TMEM255B: variants seen among roughly 807,000 people sequenced by gnomAD.
The protein encoded by TMEM255B is family with sequence similarity 70, member B.
TMEM255B carries 35 observed loss-of-function variants against 34.5 expected under a neutral mutation model. The ratio of observed to expected loss-of-function variants is 1.01; its 90% confidence interval spans 0.77 to 1.34. The LOEUF (loss-of-function observed/expected upper bound fraction) is 1.34, where lower values mean the gene tolerates loss of function less well. Among genes scored for constraint, TMEM255B ranks in the 40% most tolerant of loss-of-function variants. TMEM255B has a pLI of 0.00. For synonymous variants in TMEM255B, 206 were observed against 201.2 expected (o/e 1.02, Z -0.20); for missense variants, 432 against 433.2 (o/e 1.00, Z 0.02).
rs1395637805 is a variant in TMEM255B, at chr13:113,813,778, TATAAA to T, written c.*1878_*1882del. ...CCGCCACTGCTTGTCATTTTTATCT[TATAAA>T]ATCCAGCCTCACAAGCTTGCTGTCC... is the stretch of plus-strand genomic sequence containing the variant. On this transcript the variant is annotated 3_prime_UTR_variant, in exon 9 of 9. Transcript: ENST00000375353. 1 of 152,176 alleles carries T rather than the reference TATAAA, an allele frequency of 6.6e-6. No homozygotes were observed. Among genetic ancestry groups the T allele is most frequent in the African/African-American group, 2.4e-5 (1 of 41,450 alleles). 9.4% of individuals were successfully genotyped at this position (152,176 alleles called of 1,614,324 possible).
At chr13:113,802,549 G>C (rs1044859374) in intron 7 of TMEM255B, among the ~76,000 whole-genome samples, 1 of 152,172 alleles carries the variant, frequency 6.6e-6, no homozygotes, top group African/African-American at 2.4e-5. Context: ...GAGGAGGCCT[G>C]GCAGCACCAG....
intron 3 of TMEM255B, among the ~76,000 whole-genome samples, chr13:113,775,607 G>A (rs1044599989): frequency 2.6e-5 from 4 of 152,254 alleles, no homozygotes; most frequent in South Asian, 2.1e-4. Flanking sequence ...GAGGACAGGC[G>A]TTGAGTGGGC....
intron 3 of TMEM255B, among the ~76,000 whole-genome samples, chr13:113,774,957 G>A (rs1318704861): frequency 1.7e-4 from 15 of 87,858 alleles, no homozygotes; most frequent in East Asian, 3.6e-4. Context: ...CACAACACAC[G>A]ACACACACCA....
chr13:113,764,988 G>A (rs978796789), intron 1 of TMEM255B, among the ~76,000 whole-genome samples: 1 of 152,204 alleles, frequency 6.6e-6, no homozygotes, highest in Admixed American at 6.5e-5. Context: ...GGTCCAAGAC[G>A]GGGGCAGCCT....
At chr13:113,764,054 C>T (rs1162201190) in intron 1 of TMEM255B, among the ~76,000 whole-genome samples, 1 of 152,222 alleles carries the variant, frequency 6.6e-6, no homozygotes, top group African/African-American at 2.4e-5. Context: ...AGGGGAGTGT[C>T]CTCCCCATCC....
intron 3 of TMEM255B, among the ~76,000 whole-genome samples, chr13:113,783,805 G>T (rs991240157): frequency 2.6e-5 from 4 of 152,204 alleles, no homozygotes; most frequent in African/African-American, 9.6e-5. Flanking sequence ...GATGCAGAGG[G>T]TTGAGAGTAC....
At chr13:113,772,840 TCTTCCAG>T (rs1414634579) in intron 3 of TMEM255B, among the ~76,000 whole-genome samples, 5 of 152,188 alleles carry the variant, frequency 3.3e-5, no homozygotes, top group Admixed American at 1.3e-4. Context: ...GGCTTGTGAG[TCTTCCAG>T]CCTTGTTCTT....
intron 3 of TMEM255B, among the ~76,000 whole-genome samples, chr13:113,779,155 T>C (rs1269534837): frequency 6.6e-6 from 1 of 152,088 alleles, no homozygotes. Flanking sequence ...GTCAAAGGTG[T>C]CATTTGTGGT....
intron 5 of TMEM255B, 41 bp from the exon 6 acceptor site, chr13:113,800,786 T>C: frequency 6.4e-7 from 1 of 1,561,552 alleles, no homozygotes; most frequent in Non-Finnish European, 8.7e-7. Context: ...GGTGAGGTGG[T>C]GGGCACCGGC....
rs1247156900 is a variant in TMEM255B at position 113,812,835 on chromosome 13, GTCCCGGGTGGGTCACAGGCA to G, written c.*951_*970del. 47 of 175,020 alleles carry G rather than the reference GTCCCGGGTGGGTCACAGGCA, an allele frequency of 2.7e-4. 1 individual carries two copies. Among genetic ancestry groups the G allele is most frequent in the Admixed American group, 2.0e-3 (31 of 15,874 alleles). The allele number at this position is 175,020 out of a possible 1,614,324, so 10.8% of individuals were successfully genotyped here. On this transcript the variant is annotated 3_prime_UTR_variant, in exon 9 of 9. Transcript: ENST00000375353. ...GTCACAGGTCCTGAGTGGGTCACAG[GTCCCGGGTGGGTCACAGGCA>G]TCCCGGGTGGGTCACAGGTCCCGAG...
intron 1 of TMEM255B, chr13:113,761,157 A>T (rs2050302318): frequency 5.1e-6 from 5 of 984,894 alleles, no homozygotes; most frequent in Middle Eastern, 1.0e-3. Flanking sequence ...GTGTCCCCAC[A>T]TGATTAAATG....
chr13:113,792,011 C>T (rs986291388), intron 3 of TMEM255B, among the ~76,000 whole-genome samples: 42 of 152,308 alleles, frequency 2.8e-4, no homozygotes, highest in African/African-American at 9.1e-4. Flanking sequence ...CCCGGAACTG[C>T]GGGAGGCCCC....
At chr13:113,795,033 G>A (rs2050895759) in intron 3 of TMEM255B, 115 bp from the exon 4 acceptor site, 2 of 898,748 alleles carry the variant, frequency 2.2e-6, no homozygotes, top group Non-Finnish European at 1.8e-6. Flanking sequence ...GTAGAGGTGA[G>A]AAGAGGCAGT....
chr13:113,796,593 G>A (rs945918017), intron 4 of TMEM255B, among the ~76,000 whole-genome samples: 1 of 151,976 alleles, frequency 6.6e-6, no homozygotes, highest in African/African-American at 2.4e-5. Flanking sequence ...AAATGAACAG[G>A]TTTTCTCTAA....
chr13:113,805,138 T>C (rs1268733249), intron 8 of TMEM255B, 110 bp downstream of exon 8: 2 of 1,271,594 alleles, frequency 1.6e-6, no homozygotes, highest in Non-Finnish European at 2.1e-6. Context: ...CCTCACCTTC[T>C]GGATTAGGGA....
At position 113,799,404 on chromosome 13, in the gene TMEM255B, T is replaced by C. The variant is rs1299986212; in HGVS notation, c.408T>C (p.Asp136=). The C allele has an allele frequency of 1.2e-6, 2 of 1,614,174 alleles. No individual in the cohort carries two copies. The highest frequency in any genetic ancestry group is 3.3e-5 in the Admixed American group (2 of 60,022). Residue 136 remains aspartate, a synonymous_variant, in exon 5 of 9, where the codon GAT becomes GAC. Coordinates refer to ENST00000375353, the MANE Select transcript of TMEM255B (RefSeq NM_182614.4). ...FYSSGVGYLY[D]VYQTEVTCHS... ...CCAGTGGGGTGGGGTACTTGTACGA[T>C]GTCTACCAGACAGAGGTGAGCAGGA...
intron 1 of TMEM255B, among the ~76,000 whole-genome samples, chr13:113,763,220 T>G (rs972376624): frequency 6.6e-6 from 1 of 152,262 alleles, no homozygotes; most frequent in Non-Finnish European, 1.5e-5. Flanking sequence ...TAGATGGTGT[T>G]ATTATCATCA....
rs2051165443 is a variant in TMEM255B at position 113,806,074 on chromosome 13, CT to C, written c.813+1047del. ...TCTTCAGATATTCCACAAGAGGACC[CT>C]CTCCCGACACATGACGTTGTCAGGA... On this transcript the variant is annotated intron_variant, in intron 8 of 8. Coordinates refer to ENST00000375353, the MANE Select transcript of TMEM255B (RefSeq NM_182614.4). The surrounding 1 kb of genome is among the most constrained non-coding windows in gnomAD (Gnocchi z 4.2). Among the ~76,000 whole-genome samples the C allele has an allele frequency of 6.6e-6, 1 of 152,202 alleles. No homozygotes were observed. Among genetic ancestry groups the C allele is most frequent in the Non-Finnish European group, 1.5e-5 (1 of 68,040 alleles).
intron 3 of TMEM255B, among the ~76,000 whole-genome samples, chr13:113,775,740 G>A (rs1173228199): frequency 3.9e-5 from 6 of 152,360 alleles, no homozygotes; most frequent in Middle Eastern, 3.4e-3. Context: ...CACCCAGCTC[G>A]GGGTTGGTCC....
Sources: gnomAD v4.1 joint callset for allele counts (sites outside exome capture counted in the v4.1 genomes callset) on GRCh38, gnomAD v4.1.1 for gene constraint, Gnocchi (gnomAD v3.1) non-coding constraint, MANE v1.5 for transcripts, NCBI Gene and HGNC (gene_info 2026-07-23, HGNC 2026-07-21) for gene names.